Variants in CCSER2 observed in about 807,000 individuals in gnomAD.
CCSER2 encodes the protein serine-rich coiled-coil domain-containing protein 2.
In CCSER2, 46 loss-of-function variants were observed where a neutral mutation model predicts 92.3. The observed-to-expected ratio is 0.50, with a 90% confidence interval of 0.39 to 0.64. The LOEUF is 0.64. CCSER2 is among the 30% of genes least tolerant of loss of function. The probability of loss-of-function intolerance (pLI) is 0.00; values close to 1 mark genes in which losing one functional copy is unlikely to be tolerated. For missense variants in CCSER2, 1,244 were observed against 1,238.9 expected, an observed-to-expected ratio of 1.00 and a Z score of -0.06; for synonymous variants, 433 against 431.4, an observed-to-expected ratio of 1.00 and a Z score of -0.04.
intron 6 of CCSER2, among the ~76,000 whole-genome samples, chr10:84,452,589 G>A (rs979105584): frequency 8.5e-5 from 13 of 152,172 alleles, no homozygotes; most frequent in Admixed American, 7.9e-4. Context: ...AGAATTCCTA[G>A]ACAGTTGGTT....
chr10:84,348,279 C>G (rs1330109970), intron 1 of CCSER2, among the ~76,000 whole-genome samples: 1 of 152,246 alleles, frequency 6.6e-6, no homozygotes, highest in Non-Finnish European at 1.5e-5. Flanking sequence ...AGCGAAACCC[C>G]GTCTCCACCA....
chr10:84,348,287 C>A (rs1844649946), intron 1 of CCSER2, among the ~76,000 whole-genome samples: 1 of 152,220 alleles, frequency 6.6e-6, no homozygotes, highest in African/African-American at 2.4e-5. Flanking sequence ...CCCGTCTCCA[C>A]CAAAAAATAC....
chr10:84,350,733 C>A (rs1174330887), intron 1 of CCSER2, among the ~76,000 whole-genome samples: 2 of 152,152 alleles, frequency 1.3e-5, no homozygotes, highest in Admixed American at 6.5e-5. Context: ...TATTTCTATT[C>A]ATTGATCCTA....
chr10:84,442,237 A>T (rs1303478546), intron 6 of CCSER2, among the ~76,000 whole-genome samples: 1 of 152,144 alleles, frequency 6.6e-6, no homozygotes, highest in Non-Finnish European at 1.5e-5. Flanking sequence ...TCCTAAAAAG[A>T]TGGTGGGGGA....
At position 84,371,528 on chromosome 10, in the gene CCSER2, G is replaced by A. The variant is rs1481112002; in HGVS notation, c.476G>A (p.Gly159Glu). The change falls in exon 2 of 10, where the codon GGA becomes GAA. Residue 159 changes from glycine to glutamate, a missense_variant. Coordinates refer to ENST00000372088, the MANE Select transcript of CCSER2 (RefSeq NM_001284240.2). ...LGKFTKGTLL[G>E]RTSYSSINTP... ...AAATTCACCAAAGGCACATTATTAG[G>A]AAGGACTTCATATTCTTCGATCAAT... 6.2e-7 allele frequency: 1 copy of A among 1,613,586 alleles called. No individual in the cohort carries two copies. Among genetic ancestry groups the A allele is most frequent in the African/African-American group, 1.3e-5 (1 of 74,848 alleles).
At chr10:84,411,446 G>A (rs1164211731) in intron 3 of CCSER2, among the ~76,000 whole-genome samples, 1 of 152,110 alleles carries the variant, frequency 6.6e-6, no homozygotes, top group Non-Finnish European at 1.5e-5. Context: ...GTGTGGAATG[G>A]TTTTCCATTT....
Position 84,371,933 on chromosome 10 carries a change from AT to A in CCSER2, c.882del (p.Tyr294Ter), listed in dbSNP as rs769080829. 6.2e-7 allele frequency: 1 copy of A among 1,613,836 alleles called. No individual in the cohort carries two copies. Among genetic ancestry groups the A allele is most frequent in the South Asian group, 1.1e-5 (1 of 91,064 alleles). ...EHLGYGFNRP[Y>X]AAGGKKLALP... The stretch of plus-strand genomic sequence containing the variant: ...TTGGGGTATGGATTTAATAGGCCTT[AT>A]GCTGCTGGTGGAAAGAAGTTGGCTT... On this transcript the variant is annotated frameshift_variant, in exon 2 of 10. Coordinates refer to ENST00000372088, the MANE Select transcript of CCSER2 (RefSeq NM_001284240.2). LOFTEE classifies it high-confidence loss of function.
chr10:84,382,927 A>C lies in CCSER2; in HGVS notation c.1614+9112A>C, dbSNP rs573513333. On this transcript the variant is annotated intron_variant, in intron 3 of 9. Transcript: ENST00000372088. ...ATGCCTTCATTTTCATGAGGCTAAC[A>C]CATTTTATTTACATTTTTTAATCTG... Among the ~76,000 whole-genome samples the C allele has an allele frequency of 2.0e-5, 3 of 152,344 alleles. No homozygotes were observed. The East Asian group carries it at 5.8e-4, about 29-fold the overall frequency.
chr10:84,405,993 A>G (rs895724055), intron 3 of CCSER2, among the ~76,000 whole-genome samples: 5 of 152,208 alleles, frequency 3.3e-5, no homozygotes, highest in Non-Finnish European at 7.4e-5. Flanking sequence ...AAAGTTGTAC[A>G]TGCATGCTTA....
chr10:84,342,456 T>C (rs115206726), intron 1 of CCSER2, among the ~76,000 whole-genome samples: 2,105 of 152,302 alleles, frequency 0.014, 47 homozygotes, highest in African/African-American at 0.048. Context: ...CAGTTCCTCA[T>C]GTACCCTGTC....
At chr10:84,407,174 T>G (rs535824030) in intron 3 of CCSER2, among the ~76,000 whole-genome samples, 3 of 152,338 alleles carry the variant, frequency 2.0e-5, no homozygotes, top group African/African-American at 7.2e-5. Flanking sequence ...CCTTTGAATT[T>G]GTCTTCTCAA....
intron 1 of CCSER2, among the ~76,000 whole-genome samples, chr10:84,360,164 G>A (rs1006458391): frequency 1.3e-5 from 2 of 152,056 alleles, no homozygotes; most frequent in African/African-American, 4.8e-5. Context: ...CAAACATCAT[G>A]TGTAGAGAAA....
chr10:84,459,524 GT>G (rs1205599213), intron 6 of CCSER2, among the ~76,000 whole-genome samples: 2 of 151,792 alleles, frequency 1.3e-5, no homozygotes, highest in African/African-American at 4.8e-5. Flanking sequence ...TTTTGGTTTG[GT>G]TTTGGGGGGG....
chr10:84,501,770 A>G (rs12776843), intron 9 of CCSER2, among the ~76,000 whole-genome samples: 5,554 of 109,838 alleles, frequency 0.051, 247 homozygotes, highest in Admixed American at 0.081. Context: ...TCTTCAGATT[A>G]ACAAAAAGAA....
chr10:84,342,777 G>A (rs1249935494), intron 1 of CCSER2, among the ~76,000 whole-genome samples: 1 of 152,048 alleles, frequency 6.6e-6, no homozygotes. Flanking sequence ...TCTATCTGTT[G>A]ACATAGTTCT....
chr10:84,351,358 A>G (rs551695841), intron 1 of CCSER2, among the ~76,000 whole-genome samples: 1 of 152,088 alleles, frequency 6.6e-6, no homozygotes, highest in South Asian at 2.1e-4. Context: ...CAGTGTCCAG[A>G]GTAGCTGGGA....
chr10:84,337,085 AGAG>A (rs1297226884), intron 1 of CCSER2, among the ~76,000 whole-genome samples: 1 of 152,192 alleles, frequency 6.6e-6, no homozygotes, highest in Non-Finnish European at 1.5e-5. Context: ...GATATGGTGA[AGAG>A]AGCTGGGTAT....
chr10:84,499,785 A>G, intron 9 of CCSER2: 1 of 1,302,472 alleles, frequency 7.7e-7, no homozygotes, highest in Non-Finnish European at 1.1e-6. Flanking sequence ...GCTCTGTGTT[A>G]TTTAAAAGTA....
At chr10:84,481,472 T>G (rs1847452551) in intron 9 of CCSER2, among the ~76,000 whole-genome samples, 1 of 152,116 alleles carries the variant, frequency 6.6e-6, no homozygotes, top group Admixed American at 6.6e-5. Flanking sequence ...GCTTTCATGC[T>G]ACAGGTGCTT....
Sources: allele counts gnomAD v4.1 joint callset (sites outside exome capture counted in the v4.1 genomes callset), GRCh38; gene constraint gnomAD v4.1.1; transcripts MANE v1.5; gene names NCBI Gene and HGNC (gene_info 2026-07-23, HGNC 2026-07-21).